The following PLEKHS1 variants were observed in gnomAD, a reference collection of about 807,000 sequenced individuals.
PLEKHS1 encodes the protein pleckstrin homology domain containing S1.
PLEKHS1 carries 55 observed loss-of-function variants against 51.0 expected under a neutral mutation model. The ratio of observed to expected loss-of-function variants is 1.08; its 90% CI spans 0.87 to 1.35. PLEKHS1 has a LOEUF of 1.35. Among genes scored for constraint, PLEKHS1 ranks in the 40% most tolerant of loss-of-function variants. PLEKHS1 has a pLI of 0.00. For missense variants in PLEKHS1, 398 were observed against 423.0 expected (o/e 0.94, Z 0.52); for synonymous variants, 153 against 144.8 (o/e 1.06, Z -0.41).
intron 11 of PLEKHS1, among the ~76,000 whole-genome samples, chr10:113,778,653 T>TTC (rs1844771955): frequency 1.3e-5 from 2 of 149,332 alleles, no homozygotes; most frequent in Non-Finnish European, 3.0e-5. Flanking sequence ...CTTTTTTTTT[T>TTC]TTTTTTTTGA....
exon 12 of PLEKHS1, chr10:113,780,908 A>C: frequency 1.2e-6 from 1 of 804,626 alleles, no homozygotes; most frequent in Non-Finnish European, 1.9e-6. Context: ...GCATCTTAAC[A>C]ATGGGGATGA....
In PLEKHS1 at chr10:113,754,142, T is replaced by C. The variant is rs58184019; in HGVS notation, c.-19-1117T>C. On this transcript the variant is annotated intron_variant, in intron 1 of 11. Coordinates refer to ENST00000361048, the Ensembl canonical transcript of PLEKHS1. ...GTATTTTTTCATCTCTGTATATGCATATACACACACGTAATTAAAGAATTG... is the reference window on the plus strand; with the variant it reads ...GTATTTTTTCATCTCTGTATATGCACATACACACACGTAATTAAAGAATTG... Among the ~76,000 whole-genome samples the C allele has an allele frequency of 3.7e-3, 565 of 152,242 alleles. 6 individuals are homozygous for C. The highest frequency in any genetic ancestry group is 0.012 in the African/African-American group (504 of 41,546).
At chr10:113,755,916 C>T (rs1418781338) in intron 2 of PLEKHS1, among the ~76,000 whole-genome samples, 3 of 152,214 alleles carry the variant, frequency 2.0e-5, no homozygotes, top group African/African-American at 4.8e-5. Flanking sequence ...GACTGGAGAA[C>T]ATTTTCTTAA....
intron 6 of PLEKHS1, among the ~76,000 whole-genome samples, 174 bp from the exon 7 acceptor site, chr10:113,769,610 A>G (rs1440887891): frequency 7.2e-5 from 11 of 152,222 alleles, no homozygotes; most frequent in Admixed American, 7.2e-4. Flanking sequence ...GTTTGGAAAC[A>G]GGAGAGAGAC....
rs996641570 is a variant in PLEKHS1, at chr10:113,777,560, C to T, written c.1091+1694C>T. ...CTGGTGCAGGGATTCCAAAACAGCT[C>T]CTTCAACCAATTTGTGCCTCAGTTT... is the stretch of plus-strand genomic sequence containing the variant. On this transcript the variant is annotated intron_variant, in intron 11 of 11. Coordinates refer to ENST00000361048, the Ensembl canonical transcript of PLEKHS1. 1.8e-5 allele frequency: 28 copies of T among 1,550,924 alleles called. No individual in the cohort carries two copies. In the African/African-American group the frequency reaches 3.4e-4, roughly 19 times the overall value.
rs528926752 is a variant in PLEKHS1 at position 113,767,696 on chromosome 10, G to C, written c.359+217G>C. ...AAAGAACCTCATCCTGGATAACTTT[G>C]AACAACAGAAATTTATTGTCTCACT... On this transcript the variant is annotated intron_variant, in intron 5 of 11. Transcript: ENST00000361048. Among the ~76,000 whole-genome samples the C allele has an allele frequency of 3.5e-4, 53 of 152,210 alleles. No homozygotes were observed. In the South Asian group the frequency reaches 8.5e-3, roughly 24 times the overall value.
At chr10:113,771,932 C>T (rs766799905) in intron 7 of PLEKHS1, 38 bp from the exon 8 acceptor site, 4 of 1,584,542 alleles carry the variant, frequency 2.5e-6, no homozygotes, top group Non-Finnish European at 1.7e-6. Context: ...CTATCTCTTG[C>T]AAAGAAAAAG....
rs756793947 is a variant in PLEKHS1 at position 113,767,342 on chromosome 10, T to C, written c.225-3T>C. On this transcript the variant is annotated splice_polypyrimidine_tract_variant and splice_region_variant and intron_variant, in intron 4 of 11. Transcript: ENST00000361048. ...TTTAATACTTTGTGTCTATATCTAA[T>C]AGAAATTCCAGTGTAGAAGTTGGCA... 3.1e-6 allele frequency: 5 copies of C among 1,594,116 alleles called. No homozygotes were observed. The South Asian group carries it at 3.4e-5, about 11-fold the overall frequency.
intron 1 of PLEKHS1, among the ~76,000 whole-genome samples, chr10:113,752,122 T>C (rs1449796674): frequency 1.3e-5 from 2 of 152,178 alleles, no homozygotes; most frequent in Non-Finnish European, 2.9e-5. Context: ...TTAATTCTAC[T>C]TTCTTAGATA....
chr10:113,768,888 G>C (rs760722586), exon 6 of PLEKHS1: 25 of 1,611,756 alleles, frequency 1.6e-5, no homozygotes, highest in Non-Finnish European at 2.1e-5. Flanking sequence ...GCAGAACACA[G>C]AGGTGACTCC....
At chr10:113,780,959 G>A (rs1844848930) in exon 12 of PLEKHS1, 2 of 622,356 alleles carry the variant, frequency 3.2e-6, no homozygotes, top group East Asian at 5.6e-5. Flanking sequence ...TGCTAAGAGG[G>A]TCATGTGGCA....
At chr10:113,778,719 C>T (rs568156514) in intron 11 of PLEKHS1, among the ~76,000 whole-genome samples, 11 of 149,442 alleles carry the variant, frequency 7.4e-5, no homozygotes, top group African/African-American at 2.4e-4. Context: ...ACTCGGCTCA[C>T]TGCAAGCTCC....
intron 1 of PLEKHS1, among the ~76,000 whole-genome samples, chr10:113,753,815 T>C (rs1439205449): frequency 1.3e-5 from 2 of 152,132 alleles, no homozygotes; most frequent in East Asian, 3.9e-4. Context: ...TTGTATTATA[T>C]ATTTTTTTTA....
At chr10:113,778,476 A>C (rs2134588457) in intron 11 of PLEKHS1, among the ~76,000 whole-genome samples, 1 of 152,154 alleles carries the variant, frequency 6.6e-6, no homozygotes, top group East Asian at 1.9e-4. Flanking sequence ...TATATTAAGA[A>C]CACATCTTAT....
intron 11 of PLEKHS1, among the ~76,000 whole-genome samples, chr10:113,776,836 G>T (rs140171266): frequency 6.6e-6 from 1 of 152,144 alleles, no homozygotes; most frequent in Admixed American, 6.6e-5. Flanking sequence ...AACAAATCAG[G>T]TACTCACACA....
chr10:113,763,366 T>G (rs565822797), intron 2 of PLEKHS1, among the ~76,000 whole-genome samples: 12 of 152,278 alleles, frequency 7.9e-5, no homozygotes, highest in African/African-American at 2.9e-4. Context: ...AGCATAGAGT[T>G]GAGTCTTGCT....
At chr10:113,776,276 G>T (rs1844655095) in intron 11 of PLEKHS1, among the ~76,000 whole-genome samples, 1 of 152,048 alleles carries the variant, frequency 6.6e-6, no homozygotes, top group East Asian at 1.9e-4. Context: ...AAGACTTCCA[G>T]ACACAAGGTT....
chr10:113,755,275 A>C, exon 2 of PLEKHS1: 1 of 1,608,630 alleles, frequency 6.2e-7, no homozygotes, highest in South Asian at 1.1e-5. Flanking sequence ...ACACACAGCC[A>C]TCATGGAACC....
intron 2 of PLEKHS1, among the ~76,000 whole-genome samples, chr10:113,755,594 G>A (rs1013334894): frequency 1.3e-5 from 2 of 151,992 alleles, no homozygotes; most frequent in African/African-American, 2.4e-5. Context: ...TAGTAGAGAC[G>A]GGGTTTCTCC....
Sources: gnomAD v4.1 joint callset for allele counts (sites outside exome capture counted in the v4.1 genomes callset) on GRCh38, gnomAD v4.1.1 for gene constraint, MANE v1.5 for transcripts, NCBI Gene and HGNC (gene_info 2026-07-23, HGNC 2026-07-21) for gene names.